Variants in SLC67A1 observed in about 807,000 individuals in gnomAD.
SLC67A1 encodes solute carrier family 67 member 1, also known as solute carrier family 67 member A1.
the SLC67A1 span, chr11:2,909,115 C>A: frequency 7.5e-7 from 1 of 1,333,588 alleles, no homozygotes; most frequent in Non-Finnish European, 9.9e-7. Context: ...CCCTGGTCAG[C>A]CCCGCCTGGG....
At chr11:2,913,653 C>T in the SLC67A1 span, among the ~76,000 whole-genome samples, 1 of 152,212 alleles carries the variant, frequency 6.6e-6, no homozygotes, top group Non-Finnish European at 1.5e-5. Flanking sequence ...GGCTGGACAT[C>T]CAGGGACGCT....
the SLC67A1 span, chr11:2,902,509 G>A: frequency 1.1e-6 from 1 of 887,012 alleles, no homozygotes; most frequent in Non-Finnish European, 1.4e-6. Flanking sequence ...ATCCCGGGAT[G>A]GGGGAGGGCG....
chr11:2,917,998 G>A, the SLC67A1 span: 1 of 1,612,954 alleles, frequency 6.2e-7, no homozygotes, highest in Non-Finnish European at 8.5e-7. Context: ...GCGGCCCCCG[G>A]GCCAGTGTGT....
At chr11:2,901,261 C>T in the SLC67A1 span, among the ~76,000 whole-genome samples, 4 of 152,348 alleles carry the variant, frequency 2.6e-5, no homozygotes, top group East Asian at 7.7e-4. Flanking sequence ...ACCACTCCCA[C>T]GGTGACTTGG....
At chr11:2,906,889 A>AG in the SLC67A1 span, among the ~76,000 whole-genome samples, 17 of 106,028 alleles carry the variant, frequency 1.6e-4, no homozygotes, top group Non-Finnish European at 1.0e-4. Flanking sequence ...AGAGAAAAGA[A>AG]AAAAAAAAAG....
the SLC67A1 span, among the ~76,000 whole-genome samples, chr11:2,913,799 C>T: frequency 2.6e-5 from 4 of 152,174 alleles, no homozygotes; most frequent in Non-Finnish European, 5.9e-5. Flanking sequence ...TCACCTTGTG[C>T]GTCCCCTTTC....
the SLC67A1 span, among the ~76,000 whole-genome samples, chr11:2,906,025 G>A: frequency 6.6e-6 from 1 of 152,208 alleles, no homozygotes; most frequent in Non-Finnish European, 1.5e-5. Flanking sequence ...GGCGAGGACA[G>A]GTGGGCAGGC....
the SLC67A1 span, among the ~76,000 whole-genome samples, chr11:2,906,943 G>C: frequency 6.6e-6 from 1 of 152,070 alleles, no homozygotes; most frequent in East Asian, 1.9e-4. Context: ...GGAGGGGAGG[G>C]ATGGAGGAGG....
chr11:2,909,143 G>C, the SLC67A1 span: 1 of 1,431,728 alleles, frequency 7.0e-7, no homozygotes, highest in Non-Finnish European at 9.1e-7. Context: ...TGGACGGGGG[G>C]AAGGGGACAC....
chr11:2,901,139 G>T, the SLC67A1 span, among the ~76,000 whole-genome samples: 2 of 152,162 alleles, frequency 1.3e-5, no homozygotes, highest in African/African-American at 4.8e-5. Flanking sequence ...GAGAGCAAGA[G>T]AAGGTCAGAG....
At chr11:2,902,737 G>C in the SLC67A1 span, 2 of 985,454 alleles carry the variant, frequency 2.0e-6, no homozygotes, top group Non-Finnish European at 2.4e-6. Context: ...GAGCTACTGG[G>C]GAGCCTGGAA....
the SLC67A1 span, chr11:2,919,268 T>C: frequency 6.8e-7 from 1 of 1,467,058 alleles, no homozygotes; most frequent in South Asian, 1.1e-5. Context: ...AAGGTCGGGG[T>C]GTGGGGGTAC....
chr11:2,917,414 T>G, the SLC67A1 span, among the ~76,000 whole-genome samples: 2 of 152,138 alleles, frequency 1.3e-5, no homozygotes, highest in Non-Finnish European at 1.5e-5. Context: ...GAGATGGGCC[T>G]GTGGCGAGCA....
chr11:2,920,147 G>A, the SLC67A1 span: 1 of 152,388 alleles, frequency 6.6e-6, no homozygotes, highest in Non-Finnish European at 1.5e-5. Context: ...CTCTCCGGAA[G>A]CCTGTGGCAT....
chr11:2,903,464 T>A, the SLC67A1 span: 1 of 1,613,296 alleles, frequency 6.2e-7, no homozygotes, highest in Non-Finnish European at 8.5e-7. Flanking sequence ...CTTACCTGCC[T>A]CTTCATGCAG....
At chr11:2,922,009 C>A in the SLC67A1 span, 2 of 945,692 alleles carry the variant, frequency 2.1e-6, no homozygotes, top group South Asian at 1.3e-5. Context: ...ACAGGCCAGT[C>A]TGGAGGTCCC....
At chr11:2,900,266 G>A in the SLC67A1 span, among the ~76,000 whole-genome samples, 2 of 152,164 alleles carry the variant, frequency 1.3e-5, no homozygotes, top group East Asian at 1.9e-4. Flanking sequence ...GAATCCCCTC[G>A]AGCGGTACAC....
the SLC67A1 span, chr11:2,919,202 C>T: frequency 1.3e-6 from 1 of 781,080 alleles, no homozygotes; most frequent in Non-Finnish European, 2.2e-6. Context: ...AGTCACCAGC[C>T]AGGGCCCAGA....
chr11:2,903,813 T>A, the SLC67A1 span: 1 of 362,644 alleles, frequency 2.8e-6, no homozygotes, highest in South Asian at 3.4e-5. Flanking sequence ...CTTTGCCCTC[T>A]GGAGTCCCTG....
Sources: gnomAD v4.1 joint callset for allele counts (sites outside exome capture counted in the v4.1 genomes callset) on GRCh38, gnomAD v4.1.1 for gene constraint, MANE v1.5 for transcripts, NCBI Gene and HGNC (gene_info 2026-07-23, HGNC 2026-07-21) for gene names.